Variants in RBM27 observed in about 807,000 individuals in gnomAD.
RBM27 encodes RNA-binding protein 27.
In RBM27, 22 loss-of-function variants were observed where a neutral mutation model predicts 135.3. The observed-to-expected ratio is 0.16, with a 90% CI of 0.12 to 0.23. The LOEUF (loss-of-function observed/expected upper bound fraction) is 0.23. RBM27 is among the 10% of genes least tolerant of loss of function. The pLI is 1.00. For missense variants in RBM27, 1,009 were observed against 1,281.0 expected, an observed-to-expected ratio of 0.79 and a Z score of 3.24; for synonymous variants, 481 against 442.4, an observed-to-expected ratio of 1.09 and a Z score of -1.10.
intron 3 of RBM27, among the ~76,000 whole-genome samples, chr5:146,228,625 A>G (rs34082425): frequency 0.38 from 58,057 of 151,536 alleles, 11,636 homozygotes; most frequent in African/African-American, 0.49. Flanking sequence ...TTTTTGAGAA[A>G]GGTCTCACTC....
chr5:146,269,493 A>G lies in RBM27; in HGVS notation c.2600A>G (p.Lys867Arg). The change falls in exon 17 of 21, where the codon AAA becomes AGA. Residue 867 changes from lysine (K) to arginine (R), a missense_variant. By Grantham distance (26) the Lys-to-Arg change is conservative. Transcript: ENST00000265271. ...EERANIMKTL[K>R]ELGEKISQLK... ...AGAGCAAATATAATGAAGACTTTGAAAGAGCTTGGAGAGAAGATCTCACAA... is the reference window on the plus strand; with the variant it reads ...AGAGCAAATATAATGAAGACTTTGAGAGAGCTTGGAGAGAAGATCTCACAA... 6.3e-7 allele frequency: 1 copy of G among 1,586,330 alleles called. No individual in the cohort carries two copies. The highest frequency in any genetic ancestry group is 1.7e-4 in the Middle Eastern group (1 of 5,940).
At chr5:146,229,603 TA>T in intron 4 of RBM27, 113 bp from the exon 5 acceptor site, 4 of 891,850 alleles carry the variant, frequency 4.5e-6, no homozygotes, top group Non-Finnish European at 6.8e-6. Context: ...TGCAACTTTC[TA>T]AAAAAGCATA....
intron 19 of RBM27, among the ~76,000 whole-genome samples, chr5:146,283,416 G>T (rs1035741902): frequency 6.6e-6 from 1 of 151,998 alleles, no homozygotes; most frequent in African/African-American, 2.4e-5. Flanking sequence ...GCATGCCTGT[G>T]GTCTCAGCTC....
chr5:146,265,784 G>A (rs779312219), intron 14 of RBM27, among the ~76,000 whole-genome samples: 18 of 152,172 alleles, frequency 1.2e-4, no homozygotes, highest in Admixed American at 2.0e-4. Context: ...TAAATCAAAT[G>A]AGGAATTACA....
chr5:146,285,555 A>G (rs1359894185), intron 20 of RBM27, among the ~76,000 whole-genome samples: 2 of 152,108 alleles, frequency 1.3e-5, no homozygotes, highest in African/African-American at 4.8e-5. Context: ...CCTCTCACAA[A>G]CAATTGGATG....
rs765270712 is a variant in RBM27, at chr5:146,237,429, G to A, written c.1276G>A (p.Glu426Lys). The change falls in exon 8 of 21, where the codon GAA (glutamate) becomes AAA (lysine). Residue 426 changes from glutamate to lysine, a missense_variant. Coordinates refer to ENST00000265271, the MANE Select transcript of RBM27 (RefSeq NM_018989.2). The stretch of plus-strand genomic sequence containing the variant: ...CCAGAACCTCCTTTACACAGTATCA[G>A]AACGTAAGTACATGTTGTTTGACTT... Reference protein sequence around the residue: ...LPQNLLYTVSERQPMYSREHG... With the variant: ...LPQNLLYTVSKRQPMYSREHG... The A allele has an allele frequency of 6.2e-7, 1 of 1,613,950 alleles. No individual in the cohort carries two copies. Among genetic ancestry groups the A allele is most frequent in the Non-Finnish European group, 8.5e-7 (1 of 1,179,844 alleles).
Position 146,271,065 on chromosome 5 carries a change from T to A in RBM27, c.2796+7T>A. The A allele has an allele frequency of 6.2e-7, 1 of 1,601,976 alleles. No homozygotes were observed. The highest frequency in any genetic ancestry group is 8.5e-7 in the Non-Finnish European group (1 of 1,169,734). On this transcript the variant is annotated splice_region_variant and intron_variant, in intron 18 of 20. Transcript: ENST00000265271. ...CAGTCAGTTACAGGTTGAGGTGAGA[T>A]TTAAAAGGAGTTAGCGCCCCACCAC...
At chr5:146,206,343 G>T (rs1363616663) in intron 1 of RBM27, among the ~76,000 whole-genome samples, 1 of 138,484 alleles carries the variant, frequency 7.2e-6, no homozygotes, top group Non-Finnish European at 1.6e-5. Context: ...GTTAGTCTGG[G>T]TGGGAGCTTC....
intron 13 of RBM27, 23 bp downstream of exon 13, chr5:146,261,829 A>G: frequency 6.2e-7 from 1 of 1,613,140 alleles, no homozygotes; most frequent in Non-Finnish European, 8.5e-7. Flanking sequence ...ACTGGGAATT[A>G]AAGGTCTTTT....
At position 146,251,784 on chromosome 5, in the gene RBM27, G is replaced by T; in HGVS notation, c.1353G>T (p.Leu451=). 6.2e-7 allele frequency: 1 copy of T among 1,613,750 alleles called. No individual in the cohort carries two copies. The highest frequency in any genetic ancestry group is 1.1e-5 in the South Asian group (1 of 91,084). Residue 451 remains leucine (L), a synonymous_variant, in exon 9 of 21, where the codon CTG becomes CTT. Transcript: ENST00000265271. ...ERLQLGTPPP[L]LAARLVPPRN... is the part of the protein sequence containing the mutation. Reference sequence around the variant, plus strand: ...TTCAGTTGGGGACACCGCCTCCTCTGTTGGCAGCTCGTTTGGTGCCACCTC... The same window carrying T: ...TTCAGTTGGGGACACCGCCTCCTCTTTTGGCAGCTCGTTTGGTGCCACCTC...
chr5:146,249,404 G>C (rs1281660883), intron 8 of RBM27, among the ~76,000 whole-genome samples: 2 of 152,026 alleles, frequency 1.3e-5, no homozygotes, highest in Non-Finnish European at 2.9e-5. Flanking sequence ...TGTTAAATTG[G>C]GCTGGGCACG....
At chr5:146,250,849 T>C (rs1309811785) in intron 8 of RBM27, among the ~76,000 whole-genome samples, 1 of 139,592 alleles carries the variant, frequency 7.2e-6, no homozygotes, top group Non-Finnish European at 1.5e-5. Context: ...CGATCTTGGC[T>C]CACTGCAACC....
intron 19 of RBM27, among the ~76,000 whole-genome samples, chr5:146,274,837 C>T (rs1349937262): frequency 6.6e-6 from 1 of 151,748 alleles, no homozygotes; most frequent in Non-Finnish European, 1.5e-5. Context: ...TAGTATGTAT[C>T]AGAGATCAGC....
At chr5:146,271,352 A>G in intron 18 of RBM27, 131 bp from the exon 19 acceptor site, 1 of 832,408 alleles carries the variant, frequency 1.2e-6, no homozygotes, top group Admixed American at 2.9e-5. Context: ...GTGAGCCGAG[A>G]TCGTGCCATT....
At chr5:146,232,552 G>C (rs1756983183) in intron 6 of RBM27, among the ~76,000 whole-genome samples, 1 of 151,898 alleles carries the variant, frequency 6.6e-6, no homozygotes, top group South Asian at 2.1e-4. Flanking sequence ...TATTTATTTA[G>C]GCTTCTTAGT....
intron 1 of RBM27, among the ~76,000 whole-genome samples, chr5:146,216,173 C>T (rs1217793591): frequency 1.3e-5 from 2 of 152,216 alleles, no homozygotes; most frequent in East Asian, 3.8e-4. Flanking sequence ...TCTCCCACCT[C>T]AGCCTCCTGG....
chr5:146,266,038 A>G (rs1467779341), intron 14 of RBM27, among the ~76,000 whole-genome samples: 4 of 152,226 alleles, frequency 2.6e-5, no homozygotes, highest in Non-Finnish European at 4.4e-5. Flanking sequence ...CTAGCACTCA[A>G]AGGGACCCAG....
At position 146,271,628 on chromosome 5, in the gene RBM27, G is replaced by T. The variant is rs1268499186; in HGVS notation, c.2942G>T (p.Gly981Val). Residue 981 changes from glycine (G) to valine (V), a missense_variant, in exon 19 of 21, where the codon GGA (glycine) becomes GTA (valine). By Grantham distance (109) the Gly-to-Val change is moderately radical (BLOSUM62 -3). Transcript: ENST00000265271. The stretch of plus-strand genomic sequence containing the variant: ...CATCGTCCCAAAGCACTAACAGTTG[G>T]AGGATTCATTGAGGAAGAAAAAGAA... ...VDHRPKALTV[G>V]GFIEEEKEDL... The T allele has an allele frequency of 6.2e-7, 1 of 1,613,980 alleles. No homozygotes were observed. The highest frequency in any genetic ancestry group is 1.7e-5 in the Admixed American group (1 of 59,980).
rs187458917 is a variant in RBM27 at position 146,222,077 on chromosome 5, A to C, written c.179-1326A>C. Among the ~76,000 whole-genome samples, 123 of 152,312 alleles carry C rather than the reference A, an allele frequency of 8.1e-4. 1 individual carries two copies. Among genetic ancestry groups the C allele is most frequent in the African/African-American group, 3.0e-3 (123 of 41,578 alleles). On this transcript the variant is annotated intron_variant, in intron 2 of 20. Coordinates refer to ENST00000265271, the MANE Select transcript of RBM27 (RefSeq NM_018989.2). ...AAAATAACATGTTATAAATTGTTTTAAATAATAATTATAAGTGAAAGTATT... is the reference window on the plus strand; with the variant it reads ...AAAATAACATGTTATAAATTGTTTTCAATAATAATTATAAGTGAAAGTATT...
Sources: allele counts gnomAD v4.1 joint callset (sites outside exome capture counted in the v4.1 genomes callset), GRCh38; gene constraint gnomAD v4.1.1; transcripts MANE v1.5; gene names NCBI Gene and HGNC (gene_info 2026-07-23, HGNC 2026-07-21).